ABCC12: variants seen among roughly 807,000 people sequenced by gnomAD.
ABCC12 encodes ATP-binding cassette sub-family C member 12.
In ABCC12, 142 loss-of-function variants were observed where a neutral mutation model predicts 151.1. The observed-to-expected ratio is 0.94, with a 90% confidence interval of 0.82 to 1.08. The LOEUF (loss-of-function observed/expected upper bound fraction) is 1.08. Ranked by LOEUF, ABCC12 falls within the 50% of genes least tolerant of loss-of-function variation. The probability of loss-of-function intolerance (pLI) is 0.00; values close to 1 mark genes in which losing one functional copy is unlikely to be tolerated. For synonymous variants in ABCC12, 645 were observed against 646.4 expected (o/e 1.00, Z 0.03); for missense variants, 1,638 against 1,691.1 (o/e 0.97, Z 0.55).
intron 1 of ABCC12, among the ~76,000 whole-genome samples, chr16:48,155,174 G>T (rs1411838870): frequency 6.6e-6 from 1 of 152,132 alleles, no homozygotes; most frequent in African/African-American, 2.4e-5. Flanking sequence ...CCAAGCTGGG[G>T]GTGTGGGAAG....
Position 48,130,942 on chromosome 16 carries a change from T to C in ABCC12, c.1129-47A>G, listed in dbSNP as rs184032041. The C allele has an allele frequency of 2.4e-5, 34 of 1,407,460 alleles. 1 individual carries two copies. In the Middle Eastern group the frequency reaches 3.5e-3, roughly 145 times the overall value. 87.2% of individuals were successfully genotyped at this position (1,407,460 alleles called of 1,614,324 possible). A position where few individuals can be genotyped will look rare whatever the true frequency, so the allele number is the denominator to read the frequency against. On this transcript the variant is annotated intron_variant, in intron 9 of 30. Transcript: ENST00000311303. ...TGAGGGTTTAGAAGGAGAAGTCACG[T>C]TGGCTCTAAACCGTTATACACATGG...
chr16:48,120,011 C>T (rs117512093), intron 13 of ABCC12, among the ~76,000 whole-genome samples: 19 of 152,214 alleles, frequency 1.2e-4, no homozygotes, highest in East Asian at 1.2e-3. Context: ...AGAGAATGTA[C>T]GTGGCAATAC....
chr16:48,097,090 A>G (rs551009557), intron 23 of ABCC12, among the ~76,000 whole-genome samples, 188 bp from the exon 24 acceptor site: 1 of 152,286 alleles, frequency 6.6e-6, no homozygotes, highest in Non-Finnish European at 1.5e-5. Flanking sequence ...ATGCTCTTAA[A>G]AATCTGCCAC....
In ABCC12 at chr16:48,140,661, C is replaced by T. The variant is rs1448260275; in HGVS notation, c.657+26G>A. On this transcript the variant is annotated intron_variant, in intron 6 of 30. Coordinates refer to ENST00000311303, the MANE Select transcript of ABCC12 (RefSeq NM_001393797.1). ...AAACCACTCAGGGCCCATTTTCCAA[C>T]ATTAAACTCCTCTGAGCCAGCTTAC... is the stretch of plus-strand genomic sequence containing the variant. 4 of 1,607,306 alleles carry T rather than the reference C, an allele frequency of 2.5e-6. No homozygotes were observed. In the East Asian group the frequency reaches 8.9e-5, roughly 36 times the overall value.
chr16:48,109,469 C>T (rs1386285904), intron 18 of ABCC12, among the ~76,000 whole-genome samples: 2 of 152,280 alleles, frequency 1.3e-5, no homozygotes, highest in East Asian at 1.9e-4. Flanking sequence ...GCGAAAATGT[C>T]GACTCCAAAG....
intron 8 of ABCC12, among the ~76,000 whole-genome samples, chr16:48,136,672 T>C (rs1321353685): frequency 6.6e-6 from 1 of 152,182 alleles, no homozygotes; most frequent in Non-Finnish European, 1.5e-5. Flanking sequence ...GGCATGGACA[T>C]GCTTGGAACT....
At chr16:48,152,557 AAG>A (rs1459206039) in intron 2 of ABCC12, among the ~76,000 whole-genome samples, 1 of 152,198 alleles carries the variant, frequency 6.6e-6, no homozygotes, top group Non-Finnish European at 1.5e-5. Flanking sequence ...ATGAAGAAGA[AAG>A]AGCTCACGGC....
intron 19 of ABCC12, among the ~76,000 whole-genome samples, 173 bp from the exon 20 acceptor site, chr16:48,107,598 A>C (rs1963539969): frequency 6.6e-6 from 1 of 152,226 alleles, no homozygotes; most frequent in Non-Finnish European, 1.5e-5. Context: ...GGGACCCTGA[A>C]CTGTGGGGAC....
intron 4 of ABCC12, among the ~76,000 whole-genome samples, chr16:48,142,277 T>C (rs57889627): frequency 0.16 from 24,036 of 152,144 alleles, 3,265 homozygotes; most frequent in African/African-American, 0.37. Context: ...ATGCTGGCCA[T>C]GCAGTTTCAG....
intron 8 of ABCC12, among the ~76,000 whole-genome samples, chr16:48,134,554 A>C (rs1486159963): frequency 6.6e-6 from 1 of 152,180 alleles, no homozygotes; most frequent in Non-Finnish European, 1.5e-5. Context: ...ACCTCAGAGA[A>C]GGGGGAGCCG....
At chr16:48,130,073 GATTTCTGACT>G (rs1173613725) in intron 10 of ABCC12, among the ~76,000 whole-genome samples, 1 of 152,172 alleles carries the variant, frequency 6.6e-6, no homozygotes, top group Non-Finnish European at 1.5e-5. Context: ...ATGACTTCTG[GATTTCTGACT>G]CGGGTGAGTA....
intron 15 of ABCC12, among the ~76,000 whole-genome samples, chr16:48,113,530 T>C (rs113779920): frequency 1.7e-3 from 265 of 152,300 alleles, no homozygotes; most frequent in African/African-American, 6.3e-3. Flanking sequence ...AGAAGAGCGA[T>C]CATCCACCCC....
chr16:48,090,710 G>T (rs1257793262), intron 25 of ABCC12, among the ~76,000 whole-genome samples: 1 of 152,022 alleles, frequency 6.6e-6, no homozygotes, highest in Non-Finnish European at 1.5e-5. Flanking sequence ...CGTCCGATTT[G>T]GGGTTTTTTG....
intron 4 of ABCC12, among the ~76,000 whole-genome samples, chr16:48,143,329 G>A (rs992715812): frequency 2.6e-5 from 4 of 152,102 alleles, no homozygotes; most frequent in South Asian, 2.1e-4. Flanking sequence ...CTCTCTCCCC[G>A]CTAATGCTGC....
chr16:48,118,562 C>T (rs1034604569), intron 13 of ABCC12, among the ~76,000 whole-genome samples: 3 of 152,226 alleles, frequency 2.0e-5, no homozygotes, highest in Admixed American at 6.5e-5. Flanking sequence ...TTGGCATTAT[C>T]GTCATCAGGA....
intron 9 of ABCC12, among the ~76,000 whole-genome samples, chr16:48,131,368 C>T (rs1288257354): frequency 3.3e-5 from 5 of 152,148 alleles, no homozygotes; most frequent in Admixed American, 3.3e-4. Flanking sequence ...CTGGAGGGAC[C>T]TGCTTGCCCC....
In ABCC12 at chr16:48,139,176, A is replaced by T; in HGVS notation, c.818T>A (p.Phe273Tyr). Reference sequence around the variant, plus strand: ...GCCTGCCGTTACCTGGACGGGTATGAATATGACATACACTGATATCCCGAT... The same window carrying T: ...GCCTGCCGTTACCTGGACGGGTATGTATATGACATACACTGATATCCCGAT... ...ALIGISVYVI[F>Y]IPVQMFMAKL... The change falls in exon 7 of 31, where the codon TTC becomes TAC. Residue 273 changes from phenylalanine (F) to tyrosine (Y), a missense_variant. Coordinates refer to ENST00000311303, the MANE Select transcript of ABCC12 (RefSeq NM_001393797.1). The T allele has an allele frequency of 6.2e-7, 1 of 1,603,552 alleles. No individual in the cohort carries two copies. Among genetic ancestry groups the T allele is most frequent in the Non-Finnish European group, 8.5e-7 (1 of 1,177,180 alleles).
intron 2 of ABCC12, among the ~76,000 whole-genome samples, chr16:48,150,464 T>C (rs1965102115): frequency 1.3e-5 from 2 of 152,168 alleles, no homozygotes; most frequent in Admixed American, 1.3e-4. Context: ...GCTCATATGA[T>C]AAATTGAGAG....
At chr16:48,091,411 T>C (rs574635206) in intron 24 of ABCC12, among the ~76,000 whole-genome samples, 11 of 152,342 alleles carry the variant, frequency 7.2e-5, no homozygotes, top group South Asian at 2.1e-4. Flanking sequence ...ACACTTCCTT[T>C]GTATTTAGAA....
Sources: allele counts gnomAD v4.1 joint callset (sites outside exome capture counted in the v4.1 genomes callset), GRCh38; gene constraint gnomAD v4.1.1; transcripts MANE v1.5; gene names NCBI Gene and HGNC (gene_info 2026-07-23, HGNC 2026-07-21).